The following KLHL8 variants were observed in gnomAD, a reference collection of about 807,000 sequenced individuals.
KLHL8 encodes kelch-like protein 8.
In KLHL8, 38 loss-of-function variants were observed where a neutral mutation model predicts 63.5. The observed-to-expected ratio is 0.60, with a 90% CI of 0.46 to 0.78. The LOEUF is 0.78. Ranked by LOEUF, KLHL8 falls within the 30% of genes least tolerant of loss-of-function variation. The pLI is 0.00. For missense variants in KLHL8, 566 were observed against 752.4 expected, an observed-to-expected ratio of 0.75 and a Z score of 2.90; for synonymous variants, 224 against 254.3, an observed-to-expected ratio of 0.88 and a Z score of 1.13.
At chr4:87,206,556 C>G (rs1406854214) in intron 1 of KLHL8, among the ~76,000 whole-genome samples, 1 of 152,172 alleles carries the variant, frequency 6.6e-6, no homozygotes, top group Non-Finnish European at 1.5e-5. Flanking sequence ...ATGGATGGTT[C>G]TAACATCCCT....
At position 87,231,407 on chromosome 4, in the gene KLHL8, G is replaced by A. The variant is rs964253942; in HGVS notation, n.57+8851C>T. 2.0e-5 allele frequency among the ~76,000 whole-genome samples: 3 copies of A among 152,126 alleles called. No homozygotes were observed. The East Asian group carries it at 5.8e-4, about 29-fold the overall frequency. On this transcript the variant is annotated intron_variant and non_coding_transcript_variant, in intron 1 of 1. Transcript: ENST00000506274. ...TTCTGGGGTAACCCAACCTAAGACA[G>A]GCAGGTGCTCAGTGCCAGCCTTCTG...
chr4:87,175,721 C>T, intron 6 of KLHL8, among the ~76,000 whole-genome samples: 1 of 152,028 alleles, frequency 6.6e-6, no homozygotes, highest in East Asian at 1.9e-4. Context: ...ATACATTAAT[C>T]AGCATATATT....
chr4:87,212,490 G>A (rs1386250619), intron 1 of KLHL8, among the ~76,000 whole-genome samples: 2 of 152,082 alleles, frequency 1.3e-5, no homozygotes, highest in African/African-American at 4.8e-5. Context: ...TGAGGTAGGA[G>A]GATCATCTGA....
In KLHL8 at chr4:87,170,489, T is replaced by C. The variant is rs746882488; in HGVS notation, c.1335A>G (p.Pro445=). The C allele has an allele frequency of 6.2e-7, 1 of 1,612,020 alleles. No individual in the cohort carries two copies. The highest frequency in any genetic ancestry group is 1.1e-5 in the South Asian group (1 of 90,260). ...IESDQWSTVA[P]MNTPRGGVGS... is the part of the protein sequence containing the mutation. ...CAACTCCTCCACGGGGAGTATTCAT[T>C]GGTGCCACTGTACTCCACTGATCAG... Residue 445 remains proline, a synonymous_variant, in exon 7 of 10, where the codon CCA becomes CCG. Coordinates refer to ENST00000273963, the MANE Select transcript of KLHL8 (RefSeq NM_020803.5).
intron 8 of KLHL8, among the ~76,000 whole-genome samples, chr4:87,165,823 T>C (rs1578355842): frequency 6.6e-6 from 1 of 152,162 alleles, no homozygotes; most frequent in Non-Finnish European, 1.5e-5. Flanking sequence ...AAAATGCAAT[T>C]AGGATGTTAG....
intron 1 of KLHL8, among the ~76,000 whole-genome samples, chr4:87,196,157 T>C (rs1398902734): frequency 6.6e-6 from 1 of 151,706 alleles, no homozygotes; most frequent in Non-Finnish European, 1.5e-5. Context: ...CTGGGAGTTT[T>C]TTTTTTTTTA....
chr4:87,160,534 G>A lies in KLHL8; in HGVS notation c.*2985C>T, dbSNP rs1367046535. 1 of 152,168 alleles carries A rather than the reference G, an allele frequency of 6.6e-6. No individual in the cohort carries two copies. Among genetic ancestry groups the A allele is most frequent in the Non-Finnish European group, 1.5e-5 (1 of 68,008 alleles). The allele number at this position is 152,168 out of a possible 1,614,324, so 9.4% of individuals were successfully genotyped here. On this transcript the variant is annotated 3_prime_UTR_variant, in exon 10 of 10. Transcript: ENST00000273963. ...CATTCAACAGCACTGTAAGTTCAAAGTTCATTTGGGAATTAAAAGAATGAA... is the reference window on the plus strand; with the variant it reads ...CATTCAACAGCACTGTAAGTTCAAAATTCATTTGGGAATTAAAAGAATGAA...
At chr4:87,170,269 A>C in intron 7 of KLHL8, 31 bp from the exon 8 acceptor site, 3 of 1,582,908 alleles carry the variant, frequency 1.9e-6, no homozygotes, top group Non-Finnish European at 2.6e-6. Context: ...AAAACACATT[A>C]GATTTCGAAT....
At position 87,163,525 on chromosome 4, in the gene KLHL8, A is replaced by C; in HGVS notation, c.1857T>G (p.Cys619Trp). The stretch of plus-strand genomic sequence containing the variant: ...TTGGTGGCCAGAACTCAAATCACAT[A>C]CAGTCAACCACATTATTGGATCCAT... ...VGHGSNNVVD[C>W]M The change falls in exon 10 of 10, where the codon TGT becomes TGG. Residue 619 changes from cysteine to tryptophan, a missense_variant. Physicochemically the swap from Cys to Trp is radical, Grantham distance 215 (BLOSUM62 -2). Coordinates refer to ENST00000273963, the MANE Select transcript of KLHL8 (RefSeq NM_020803.5). 2 of 1,614,052 alleles carry C rather than the reference A, an allele frequency of 1.2e-6. No individual in the cohort carries two copies. Among genetic ancestry groups the C allele is most frequent in the South Asian group, 2.2e-5 (2 of 91,058 alleles).
chr4:87,224,319 G>C (rs1305119166), upstream of KLHL8, among the ~76,000 whole-genome samples: 1 of 152,202 alleles, frequency 6.6e-6, no homozygotes, highest in East Asian at 1.9e-4. Flanking sequence ...AAGAATTTCA[G>C]ATGTGGGCTG....
At chr4:87,226,255 T>C (rs1732972322) in intron 1 of KLHL8, among the ~76,000 whole-genome samples, 1 of 152,098 alleles carries the variant, frequency 6.6e-6, no homozygotes, top group Admixed American at 6.6e-5. Context: ...AAAGTACTTC[T>C]TTCATTAAGA....
intron 2 of KLHL8, among the ~76,000 whole-genome samples, chr4:87,188,661 G>A (rs532353049): frequency 6.6e-6 from 1 of 152,214 alleles, no homozygotes; most frequent in South Asian, 2.1e-4. Flanking sequence ...CTCCTTTGAT[G>A]TTATATAGTT....
At position 87,176,796 on chromosome 4, in the gene KLHL8, G is replaced by T. The variant is rs759838323; in HGVS notation, c.1169C>A (p.Thr390Asn). The T allele has an allele frequency of 1.3e-5, 21 of 1,605,862 alleles. No homozygotes were observed. Among genetic ancestry groups the T allele is most frequent in the Admixed American group, 3.4e-5 (2 of 58,956 alleles). ...TGATGCCTTCATCATCCATTTATTAGTGAGAGGATCAAACATCTCCATACT... is the reference window on the plus strand; with the variant it reads ...TGATGCCTTCATCATCCATTTATTATTGAGAGGATCAAACATCTCCATACT... ...LGSMEMFDPL[T>N]NKWMMKASMN... is the part of the protein sequence containing the mutation. The change falls in exon 6 of 10, where the codon ACT becomes AAT. Residue 390 changes from threonine to asparagine, a missense_variant. Coordinates refer to ENST00000273963, the MANE Select transcript of KLHL8 (RefSeq NM_020803.5).
At position 87,229,419 on chromosome 4, in the gene KLHL8, C is replaced by CT. The variant is rs1299829511; in HGVS notation, n.58-8030dup. Among the ~76,000 whole-genome samples, 1,181 of 120,482 alleles carry CT rather than the reference C, an allele frequency of 9.8e-3. 9 individuals are homozygous for CT. The highest frequency in any genetic ancestry group is 0.028 in the African/African-American group (867 of 31,452). The allele number at this position is 120,482 out of a possible 152,430, so 79.0% of individuals were successfully genotyped here. A position where few individuals can be genotyped will look rare whatever the true frequency, so the allele number is the denominator to read the frequency against. ...TCCTCAAATCTGGAATATCTTTTTC[C>CT]TTTTTTTTTTTTTTTTGGTGGGGGG... On this transcript the variant is annotated intron_variant and non_coding_transcript_variant, in intron 1 of 1. Transcript: ENST00000506274.
At chr4:87,187,307 C>T (rs1361283793) in intron 2 of KLHL8, among the ~76,000 whole-genome samples, 3 of 151,986 alleles carry the variant, frequency 2.0e-5, no homozygotes, top group East Asian at 1.9e-4. Context: ...GCAATCCTCC[C>T]GCCTCGGCCT....
intron 6 of KLHL8, among the ~76,000 whole-genome samples, chr4:87,172,652 T>C (rs2149832319): frequency 6.6e-6 from 1 of 152,336 alleles, no homozygotes; most frequent in South Asian, 2.1e-4. Context: ...TCTTTCTAAT[T>C]ATCATAAAGT....
chr4:87,167,394 G>A, intron 8 of KLHL8: 1 of 452,276 alleles, frequency 2.2e-6, no homozygotes, highest in Non-Finnish European at 4.3e-6. Flanking sequence ...TGGTCATGGA[G>A]ATTTATCTGG....
chr4:87,164,143 T>C, intron 8 of KLHL8, 64 bp from the exon 9 acceptor site: 1 of 1,371,998 alleles, frequency 7.3e-7, no homozygotes, highest in Non-Finnish European at 1.0e-6. Flanking sequence ...TAAATTTCAA[T>C]TCAATGGCTT....
At chr4:87,202,025 G>A (rs1407298976) in intron 1 of KLHL8, among the ~76,000 whole-genome samples, 1 of 151,728 alleles carries the variant, frequency 6.6e-6, no homozygotes, top group African/African-American at 2.4e-5. Flanking sequence ...GAGAATGGTG[G>A]CATGAAATCG....
Sources: allele counts gnomAD v4.1 joint callset (sites outside exome capture counted in the v4.1 genomes callset), GRCh38; gene constraint gnomAD v4.1.1; transcripts MANE v1.5; gene names NCBI Gene and HGNC (gene_info 2026-07-23, HGNC 2026-07-21).